The following SV2B variants were observed in gnomAD, a reference collection of about 807,000 sequenced individuals.
The protein encoded by SV2B is solute carrier family 22 member B2.
A neutral mutation model predicts 73.9 loss-of-function variants in SV2B; 41 were observed. The ratio of observed to expected loss-of-function variants is 0.56; its 90% CI spans 0.43 to 0.72. The LOEUF is 0.72. Among genes scored for constraint, SV2B ranks in the 30% least tolerant of loss-of-function variants. The probability of loss-of-function intolerance (pLI) is 0.00; values close to 1 mark genes in which losing one functional copy is unlikely to be tolerated. For missense variants in SV2B, 764 were observed against 857.8 expected, an observed-to-expected ratio of 0.89 and a Z score of 1.37; for synonymous variants, 314 against 314.2, an observed-to-expected ratio of 1.00 and a Z score of 0.01.
chr15:91,164,805 A>G (rs2043850969), intron 1 of SV2B, among the ~76,000 whole-genome samples: 1 of 152,178 alleles, frequency 6.6e-6, no homozygotes, highest in African/African-American at 2.4e-5. Flanking sequence ...GCTGACATTA[A>G]TATGTATGGG....
chr15:91,263,477 GAC>G (rs377065333), intron 6 of SV2B, among the ~76,000 whole-genome samples: 8 of 147,676 alleles, frequency 5.4e-5, no homozygotes, highest in African/African-American at 7.6e-5. Context: ...GACACACAGG[GAC>G]ACACACACAC....
chr15:91,209,115 T>G (rs918124408), intron 1 of SV2B, among the ~76,000 whole-genome samples: 1 of 87,938 alleles, frequency 1.1e-5, no homozygotes, highest in Non-Finnish European at 2.1e-5. Context: ...CTGTTTTTTG[T>G]TTTTTTTTTT....
chr15:91,226,192 A>C lies in SV2B; in HGVS notation c.-72A>C, dbSNP rs1181095978. 2.8e-6 allele frequency: 4 copies of C among 1,446,100 alleles called. No individual in the cohort carries two copies. Among genetic ancestry groups the C allele is most frequent in the Non-Finnish European group, 3.8e-6 (4 of 1,050,322 alleles). 89.6% of individuals were successfully genotyped at this position (1,446,100 alleles called of 1,614,324 possible). On this transcript the variant is annotated 5_prime_UTR_variant, in exon 2 of 13. Coordinates refer to ENST00000394232, the MANE Select transcript of SV2B (RefSeq NM_001323032.3). ...CTACATAATGAATGATGGTTATTGA[A>C]ATAGCCCAAACCTCTACCACAGAGC...
In SV2B at chr15:91,281,554, T is replaced by C. The variant is rs2048681819; in HGVS notation, c.1374-174T>C. Among the ~76,000 whole-genome samples, 1 of 152,222 alleles carries C rather than the reference T, an allele frequency of 6.6e-6. No individual in the cohort carries two copies. The highest frequency in any genetic ancestry group is 2.1e-4 in the South Asian group (1 of 4,830). ...CACTGGCTTCCAGGTCCTGAAGCCC[T>C]TCCCCACTAATAAACAAACAGCTAA... On this transcript the variant is annotated intron_variant, in intron 9 of 12. Coordinates refer to ENST00000394232, the MANE Select transcript of SV2B (RefSeq NM_001323032.3). This position sits in a 1 kb window ranked among gnomAD's most constrained non-coding sequence, Gnocchi z 4.7.
intron 2 of SV2B, among the ~76,000 whole-genome samples, chr15:91,247,383 C>T (rs1377029866): frequency 6.6e-6 from 1 of 152,108 alleles, no homozygotes; most frequent in African/African-American, 2.4e-5. Flanking sequence ...AGTCAGGAGA[C>T]AAATCATACC....
In SV2B at chr15:91,284,537, G is replaced by A. The variant is rs775424212; in HGVS notation, c.1708+316G>A. Among the ~76,000 whole-genome samples the A allele has an allele frequency of 7.9e-5, 12 of 152,256 alleles. 1 individual carries two copies. The East Asian group carries it at 1.9e-3, about 24-fold the overall frequency. The stretch of plus-strand genomic sequence containing the variant: ...TAATATCCACCCTGCCTCTTCATCC[G>A]ATTATTGTCAGAAAAATATATAAAA... On this transcript the variant is annotated intron_variant, in intron 11 of 12. Coordinates refer to ENST00000394232, the MANE Select transcript of SV2B (RefSeq NM_001323032.3). This position sits in a 1 kb window ranked among gnomAD's most constrained non-coding sequence, Gnocchi z 4.5.
chr15:91,262,519 C>T (rs1453829266), intron 6 of SV2B, among the ~76,000 whole-genome samples: 4 of 151,976 alleles, frequency 2.6e-5, no homozygotes, highest in Non-Finnish European at 5.9e-5. Flanking sequence ...TAGAGGTGAA[C>T]GTGTGTCACG....
At chr15:91,211,387 G>A (rs995347734) in intron 1 of SV2B, among the ~76,000 whole-genome samples, 5 of 152,100 alleles carry the variant, frequency 3.3e-5, no homozygotes, top group African/African-American at 1.2e-4. Flanking sequence ...CAGTCTTCAG[G>A]ATCACACTCA....
At chr15:91,228,132 C>G (rs1292489667) in intron 2 of SV2B, among the ~76,000 whole-genome samples, 1 of 152,094 alleles carries the variant, frequency 6.6e-6, no homozygotes, top group Non-Finnish European at 1.5e-5. Context: ...AAAATTGTCC[C>G]TGGGGGCTCT....
chr15:91,282,255 C>T (rs930196227), intron 10 of SV2B, among the ~76,000 whole-genome samples: 2 of 152,332 alleles, frequency 1.3e-5, no homozygotes, highest in Non-Finnish European at 2.9e-5. Context: ...CAATTTGAAA[C>T]TTGCAAAATG....
intron 2 of SV2B, 145 bp from the exon 3 acceptor site, chr15:91,251,674 C>T: frequency 2.9e-6 from 3 of 1,040,266 alleles, no homozygotes; most frequent in Non-Finnish European, 4.1e-6. Context: ...TCCAATTTGC[C>T]ACAAATATCA....
In SV2B at chr15:91,207,109, C is replaced by G. The variant is rs185090548; in HGVS notation, c.-391-18764C>G. ...ATGAGATCCTAGCTCTCACTGCAGT[C>G]TTCCCGGGCTCCAGTGATCCTCCCT... On this transcript the variant is annotated intron_variant, in intron 1 of 12. Transcript: ENST00000394232. 7.3e-5 allele frequency among the ~76,000 whole-genome samples: 11 copies of G among 151,420 alleles called. No individual in the cohort carries two copies. In the South Asian group the frequency reaches 1.3e-3, roughly 17 times the overall value.
chr15:91,268,635 A>C lies in SV2B; in HGVS notation c.1373+30A>C. ...GTGAGTGATCACGGGCTTCCCTCAC[A>C]TCAGGGTGACAGTCGTGGGGACTGT... is the stretch of plus-strand genomic sequence containing the variant. On this transcript the variant is annotated intron_variant, in intron 9 of 12. Transcript: ENST00000394232. The surrounding 1 kb of genome is among the most constrained non-coding windows in gnomAD (Gnocchi z 4.4). The C allele has an allele frequency of 6.3e-7, 1 of 1,599,440 alleles. No individual in the cohort carries two copies. The highest frequency in any genetic ancestry group is 8.6e-7 in the Non-Finnish European group (1 of 1,168,494).
intron 1 of SV2B, among the ~76,000 whole-genome samples, chr15:91,126,940 G>A (rs760345627): frequency 2.0e-5 from 3 of 152,176 alleles, no homozygotes; most frequent in Non-Finnish European, 2.9e-5. Context: ...TTCAAGTTTA[G>A]GAAAAAGACA....
Position 91,268,588 on chromosome 15 carries a change from G to A in SV2B, c.1356G>A (p.Gly452=). The part of the protein sequence containing the change: ...FTMENQIHQH[G]KLVNDKFTRM... ...TGGAAAATCAGATCCACCAACATGGGAAACTTGTGAATGATAAGTAAGTGA... is the reference window on the plus strand; with the variant it reads ...TGGAAAATCAGATCCACCAACATGGAAAACTTGTGAATGATAAGTAAGTGA... The change falls in exon 9 of 13, where the codon GGG becomes GGA. Residue 452 remains glycine, a synonymous_variant. Coordinates refer to ENST00000394232, the MANE Select transcript of SV2B (RefSeq NM_001323032.3). The surrounding 1 kb of genome is among the most constrained non-coding windows in gnomAD (Gnocchi z 4.4). 1 of 1,613,318 alleles carries A rather than the reference G, an allele frequency of 6.2e-7. No individual in the cohort carries two copies. Among genetic ancestry groups the A allele is most frequent in the East Asian group, 2.2e-5 (1 of 44,852 alleles).
intron 9 of SV2B, among the ~76,000 whole-genome samples, chr15:91,276,382 T>A (rs930152578): frequency 7.2e-5 from 11 of 152,248 alleles, no homozygotes; most frequent in African/African-American, 2.6e-4. Context: ...AGGAAAATCC[T>A]TTGCCTTTGT....
At chr15:91,287,153 C>A (rs1351534388) in intron 11 of SV2B, among the ~76,000 whole-genome samples, 1 of 152,186 alleles carries the variant, frequency 6.6e-6, no homozygotes, top group Non-Finnish European at 1.5e-5. Flanking sequence ...CCTACCACTT[C>A]CCAAAGTGGG....
rs1403610605 is a variant in SV2B at position 91,295,448 on chromosome 15, C to T, written c.*2896C>T. 6.6e-6 allele frequency: 1 copy of T among 152,178 alleles called. No homozygotes were observed. The allele number at this position is 152,178 out of a possible 1,614,324, so 9.4% of individuals were successfully genotyped here. A position where few individuals can be genotyped will look rare whatever the true frequency, so the allele number is the denominator to read the frequency against. On this transcript the variant is annotated 3_prime_UTR_variant, in exon 13 of 13. Coordinates refer to ENST00000394232, the MANE Select transcript of SV2B (RefSeq NM_001323032.3). ...ACTGGGGTTAGAGATTATTTTCAGG[C>T]ACTAAGGTCTCTTCTGTATTCCAAA...
Position 91,298,504 on chromosome 15 carries a change from CTA to C in SV2B, c.*5954_*5955del. The stretch of plus-strand genomic sequence containing the variant: ...AATGATGAAATGAAACAGACTGAAG[CTA>C]TCTCACAAATGTTAAATGGAGAAAT... On this transcript the variant is annotated 3_prime_UTR_variant, in exon 13 of 13. Transcript: ENST00000394232. The surrounding 1 kb of genome is among the most constrained non-coding windows in gnomAD (Gnocchi z 5.4). 1 of 152,168 alleles carries C rather than the reference CTA, an allele frequency of 6.6e-6. No homozygotes were observed. 9.4% of individuals were successfully genotyped at this position (152,168 alleles called of 1,614,324 possible).
Sources: allele counts gnomAD v4.1 joint callset (sites outside exome capture counted in the v4.1 genomes callset), GRCh38; gene constraint gnomAD v4.1.1; non-coding constraint Gnocchi (gnomAD v3.1); transcripts MANE v1.5; gene names NCBI Gene and HGNC (gene_info 2026-07-23, HGNC 2026-07-21).